FGF1: variants seen among roughly 807,000 people sequenced by gnomAD.
FGF1 encodes fibroblast growth factor 1.
Under a neutral mutation model 13.4 loss-of-function variants are expected in FGF1, and 9 were observed. The observed-to-expected ratio is 0.67, with a 90% confidence interval of 0.40 to 1.17. The LOEUF (loss-of-function observed/expected upper bound fraction) is 1.17. Ranked by LOEUF, FGF1 falls within the 50% of genes most tolerant of loss-of-function variation. The probability of loss-of-function intolerance (pLI) is 0.01; values close to 1 mark genes in which losing one functional copy is unlikely to be tolerated. For missense variants in FGF1, 156 were observed against 192.7 expected (o/e 0.81, Z 1.13); for synonymous variants, 93 against 79.0 (o/e 1.18, Z -0.94).
intron 2 of FGF1, among the ~76,000 whole-genome samples, chr5:142,608,553 T>C (rs929022282): frequency 8.0e-5 from 6 of 74,632 alleles, no homozygotes; most frequent in Non-Finnish European, 1.3e-4. Context: ...TATATATATA[T>C]ATATATATAT....
chr5:142,664,883 A>G (rs1348531976), intron 1 of FGF1, among the ~76,000 whole-genome samples: 1 of 152,176 alleles, frequency 6.6e-6, no homozygotes, highest in African/African-American at 2.4e-5. Context: ...TCTATAATGG[A>G]GATTACAGTA....
chr5:142,616,587 C>G lies in FGF1; in HGVS notation c.-34-2426G>C, dbSNP rs911628811. 8.5e-5 allele frequency among the ~76,000 whole-genome samples: 13 copies of G among 152,276 alleles called. 1 individual carries two copies. The South Asian group carries it at 2.5e-3, about 29-fold the overall frequency. ...TCCTCACTGTCTCTTCCAAACCTTA[C>G]TTTCTTATCCATAAGCCTCTAAGTC... On this transcript the variant is annotated intron_variant, in intron 1 of 3. Transcript: ENST00000337706.
rs544286644 is a variant in FGF1 at position 142,667,544 on chromosome 5, C to T, written c.-35+18413G>A. 1.1e-3 allele frequency among the ~76,000 whole-genome samples: 168 copies of T among 150,696 alleles called. 1 individual carries two copies. Among genetic ancestry groups the T allele is most frequent in the Non-Finnish European group, 2.1e-3 (139 of 67,704 alleles). On this transcript the variant is annotated intron_variant, in intron 1 of 3. Coordinates refer to ENST00000337706, the MANE Select transcript of FGF1 (RefSeq NM_000800.5). ...GAGCTTGCAGTGAGCTGAGATCGGG[C>T]CACTGCACTCCAGCCTGGGGGACAG... is the stretch of plus-strand genomic sequence containing the variant.
intron 1 of FGF1, among the ~76,000 whole-genome samples, chr5:142,674,173 CTTGT>C (rs1402344845): frequency 2.6e-5 from 4 of 152,204 alleles, no homozygotes; most frequent in African/African-American, 9.7e-5. Context: ...GTCCTGGTGC[CTTGT>C]TTGTTCTCTT....
intron 1 of FGF1, among the ~76,000 whole-genome samples, chr5:142,684,659 A>G (rs17223163): frequency 0.028 from 4,210 of 152,332 alleles, 84 homozygotes; most frequent in Non-Finnish European, 0.042. Flanking sequence ...CAGAGTCTCC[A>G]CCAAAATCCT....
At position 142,628,544 on chromosome 5, in the gene FGF1, A is replaced by G. The variant is rs368160169; in HGVS notation, c.-34-14383T>C. 4.7e-4 allele frequency among the ~76,000 whole-genome samples: 72 copies of G among 152,358 alleles called. 1 individual carries two copies. The South Asian group carries it at 0.014, about 31-fold the overall frequency. ...AGGCTAGAGATAGTTGCCAATAACT[A>G]TGTCAGTAAACTCATCCGTCAAACA... On this transcript the variant is annotated intron_variant, in intron 1 of 3. Coordinates refer to ENST00000337706, the MANE Select transcript of FGF1 (RefSeq NM_000800.5).
intron 1 of FGF1, among the ~76,000 whole-genome samples, chr5:142,623,290 T>C (rs1761944830): frequency 6.6e-6 from 1 of 152,112 alleles, no homozygotes; most frequent in Admixed American, 6.5e-5. Context: ...ACTTGAGAAC[T>C]TGTAAGCATT....
At chr5:142,626,009 A>G (rs575479314) in intron 1 of FGF1, among the ~76,000 whole-genome samples, 308 of 152,292 alleles carry the variant, frequency 2.0e-3, no homozygotes, top group Non-Finnish European at 2.3e-3. Flanking sequence ...TTTGTTACTC[A>G]ATAGCCGACT....
At chr5:142,648,731 A>T (rs1314334234) in intron 1 of FGF1, among the ~76,000 whole-genome samples, 2 of 137,880 alleles carry the variant, frequency 1.5e-5, no homozygotes, top group Non-Finnish European at 3.1e-5. Context: ...TGTCTTGAGG[A>T]GGAATGGAGA....
At chr5:142,650,515 T>C (rs769726330) in intron 1 of FGF1, among the ~76,000 whole-genome samples, 1 of 152,148 alleles carries the variant, frequency 6.6e-6, no homozygotes, top group South Asian at 2.1e-4. Flanking sequence ...TTTAAGAAGA[T>C]CAAATGATTT....
At chr5:142,675,739 A>G (rs763862637) in intron 1 of FGF1, among the ~76,000 whole-genome samples, 24 of 152,216 alleles carry the variant, frequency 1.6e-4, no homozygotes, top group Non-Finnish European at 3.1e-4. Context: ...TCGGGCAGCC[A>G]AAATGCAAAA....
intron 1 of FGF1, among the ~76,000 whole-genome samples, chr5:142,628,639 A>G (rs1456798515): frequency 6.6e-6 from 1 of 151,640 alleles, no homozygotes; most frequent in East Asian, 1.9e-4. Context: ...TATCCCTTCA[A>G]CTCCTCATGG....
chr5:142,619,124 CG>C (rs1760933873), intron 1 of FGF1, among the ~76,000 whole-genome samples: 1 of 151,634 alleles, frequency 6.6e-6, no homozygotes, highest in African/African-American at 2.4e-5. Flanking sequence ...TTAGTAGAGA[CG>C]GGGTTTCACC....
At chr5:142,680,438 C>G (rs1773493574) in intron 1 of FGF1, among the ~76,000 whole-genome samples, 1 of 152,240 alleles carries the variant, frequency 6.6e-6, no homozygotes, top group African/African-American at 2.4e-5. Flanking sequence ...GCTAAAACTA[C>G]TCTCATTGAA....
Position 142,594,613 on chromosome 5 carries a change from G to A in FGF1, c.*677C>T, listed in dbSNP as rs532060489. Reference sequence around the variant, plus strand: ...GTCACCCAGGGCTCTCTGCTGCTGAGTAACCTTGGGAAGGTCAAGGCGTGG... The same window carrying A: ...GTCACCCAGGGCTCTCTGCTGCTGAATAACCTTGGGAAGGTCAAGGCGTGG... On this transcript the variant is annotated 3_prime_UTR_variant, in exon 4 of 4. Coordinates refer to ENST00000337706, the MANE Select transcript of FGF1 (RefSeq NM_000800.5). 6.6e-6 allele frequency: 1 copy of A among 152,354 alleles called. No homozygotes were observed. The highest frequency in any genetic ancestry group is 2.1e-4 in the South Asian group (1 of 4,820). 9.4% of individuals were successfully genotyped at this position (152,354 alleles called of 1,614,324 possible). A position where few individuals can be genotyped will look rare whatever the true frequency, so the allele number is the denominator to read the frequency against.
chr5:142,629,928 C>G (rs1278031383), intron 1 of FGF1, among the ~76,000 whole-genome samples: 1 of 143,816 alleles, frequency 7.0e-6, no homozygotes, highest in African/African-American at 2.6e-5. Flanking sequence ...GAGTCTCGCT[C>G]TGTTGGCCAG....
intron 1 of FGF1, among the ~76,000 whole-genome samples, chr5:142,651,829 A>ATTT (rs776252481): frequency 4.3e-5 from 6 of 139,820 alleles, no homozygotes; most frequent in Non-Finnish European, 4.7e-5. Context: ...TTGGTAGCTC[A>ATTT]TTTTTTTTTT....
chr5:142,601,830 C>A (rs1191787379), intron 2 of FGF1, among the ~76,000 whole-genome samples: 1 of 152,208 alleles, frequency 6.6e-6, no homozygotes, highest in Admixed American at 6.5e-5. Flanking sequence ...AGGTGCTGGA[C>A]ACTTAATTGG....
chr5:142,634,194 AG>A (rs543695770), intron 1 of FGF1, among the ~76,000 whole-genome samples: 14,008 of 98,980 alleles, frequency 0.14, 1,427 homozygotes, highest in African/African-American at 0.29. Flanking sequence ...CTCCATCTCA[AG>A]AAAAAAAAAA....
Sources: allele counts gnomAD v4.1 joint callset (sites outside exome capture counted in the v4.1 genomes callset), GRCh38; gene constraint gnomAD v4.1.1; transcripts MANE v1.5; gene names NCBI Gene and HGNC (gene_info 2026-07-23, HGNC 2026-07-21).